The following STAT6 variants were observed in gnomAD, a reference collection of about 807,000 sequenced individuals.
The protein encoded by STAT6 is signal transducer and activator of transcription 6.
A neutral mutation model predicts 106.3 loss-of-function variants in STAT6; 45 were observed. The observed-to-expected ratio is 0.42, with a 90% CI of 0.33 to 0.54. The LOEUF is 0.54. STAT6 is among the 20% of genes least tolerant of loss of function. STAT6 has a pLI of 0.06. For missense variants in STAT6, 797 were observed against 1,062.2 expected (o/e 0.75, Z 3.47); for synonymous variants, 413 against 413.6 (o/e 1.00, Z 0.02).
At chr12:57,097,311 T>C in intron 19 of STAT6, 178 bp from the exon 20 acceptor site, 2 of 453,324 alleles carry the variant, frequency 4.4e-6, no homozygotes, top group Non-Finnish European at 7.5e-6. Context: ...ATGTGCGTGT[T>C]ATGGGGGTGG....
chr12:57,105,147 T>C lies in STAT6; in HGVS notation c.1001+4A>G. On this transcript the variant is annotated splice_donor_region_variant and intron_variant, in intron 9 of 21. Coordinates refer to ENST00000300134, the MANE Select transcript of STAT6 (RefSeq NM_003153.5). ...CTCCAACCCCAGGTCCAATCCCAGC[T>C]TACGCTCCAGCCCCAGGACCCTGAG... The C allele has an allele frequency of 6.2e-7, 1 of 1,607,530 alleles. No homozygotes were observed. Among genetic ancestry groups the C allele is most frequent in the Non-Finnish European group, 8.5e-7 (1 of 1,176,250 alleles).
At chr12:57,107,416 A>G in intron 3 of STAT6, 102 bp from the exon 4 acceptor site, 3 of 1,320,218 alleles carry the variant, frequency 2.3e-6, no homozygotes, top group Admixed American at 1.9e-5. Flanking sequence ...ATAAGGAAGC[A>G]CAACTGTAGA....
intron 13 of STAT6, chr12:57,100,861 GAACA>G (rs981922126): frequency 6.6e-6 from 3 of 455,734 alleles, no homozygotes; most frequent in African/African-American, 4.0e-5. Flanking sequence ...TTGGGAACTT[GAACA>G]AACTACATAA....
chr12:57,105,654 C>A, intron 7 of STAT6, 55 bp from the exon 8 acceptor site: 1 of 1,584,730 alleles, frequency 6.3e-7, no homozygotes, highest in Non-Finnish European at 8.6e-7. Flanking sequence ...TGCTCCGGCC[C>A]AGACCCCCTT....
At chr12:57,106,468 A>C in intron 6 of STAT6, 60 bp downstream of exon 6, 1 of 1,610,560 alleles carries the variant, frequency 6.2e-7, no homozygotes, top group Non-Finnish European at 8.5e-7. Context: ...TCTGAGGTCT[A>C]GCTTCCATCC....
Position 57,108,203 on chromosome 12 carries a change from G to C in STAT6, c.76C>G (p.Leu26Val). The change falls in exon 2 of 22, where the codon CTG (leucine) becomes GTG (valine). Residue 26 changes from leucine to valine, a missense_variant. Leu to Val is a conservative substitution (Grantham distance 32). Around this residue, in one of 4 missense-constraint regions of STAT6, gnomAD observed 336 missense variants for 429.8 expected, o/e 0.78. Coordinates refer to ENST00000300134, the MANE Select transcript of STAT6 (RefSeq NM_003153.5). Reference protein sequence around the residue: ...QRLYVDFPQHLRHLLGDWLES... With the variant: ...QRLYVDFPQHVRHLLGDWLES... Reference sequence around the variant, plus strand: ...AGCCAGTCACCCAGAAGATGCCGCAGGTGTTGGGGAAAGTCGACATAGAGC... The same window carrying C: ...AGCCAGTCACCCAGAAGATGCCGCACGTGTTGGGGAAAGTCGACATAGAGC... The C allele has an allele frequency of 6.2e-7, 1 of 1,612,928 alleles. No individual in the cohort carries two copies. Among genetic ancestry groups the C allele is most frequent in the Non-Finnish European group, 8.5e-7 (1 of 1,179,604 alleles).
intron 13 of STAT6, among the ~76,000 whole-genome samples, chr12:57,100,638 GAGAAAGAA>G (rs201086579): frequency 0.011 from 1,072 of 99,940 alleles, 25 homozygotes; most frequent in Non-Finnish European, 0.012. Context: ...GAAAGAGAAA[GAGAAAGAA>G]AGAAAGAAAG....
chr12:57,100,677 AAAG>A (rs2033806681), intron 13 of STAT6, among the ~76,000 whole-genome samples: 2 of 68,284 alleles, frequency 2.9e-5, no homozygotes, highest in Non-Finnish European at 3.1e-5. Flanking sequence ...AGAAAGAAAG[AAAG>A]AAAGAAAGAA....
At chr12:57,097,658 T>C (rs902950767) in intron 19 of STAT6, among the ~76,000 whole-genome samples, 4 of 152,170 alleles carry the variant, frequency 2.6e-5, no homozygotes, top group African/African-American at 9.7e-5. Context: ...GCAGAGTGAC[T>C]CACGCCTGTA....
At chr12:57,105,046 C>T in intron 9 of STAT6, 105 bp downstream of exon 9, 2 of 1,400,844 alleles carry the variant, frequency 1.4e-6, no homozygotes. Flanking sequence ...CTCCACATCC[C>T]ATGGCCCTCC....
chr12:57,105,616 G>C lies in STAT6; in HGVS notation c.681-17C>G. 6.2e-7 allele frequency: 1 copy of C among 1,613,010 alleles called. No individual in the cohort carries two copies. Among genetic ancestry groups the C allele is most frequent in the South Asian group, 1.1e-5 (1 of 90,920 alleles). ...CTTTCACACCTGGGGCCAGGACAGTGGTCAGGGGGCACAGGATTAAGGCTG... is the reference window on the plus strand; with the variant it reads ...CTTTCACACCTGGGGCCAGGACAGTCGTCAGGGGGCACAGGATTAAGGCTG... On this transcript the variant is annotated splice_polypyrimidine_tract_variant and intron_variant, in intron 7 of 21. Coordinates refer to ENST00000300134, the MANE Select transcript of STAT6 (RefSeq NM_003153.5).
chr12:57,100,235 A>G, intron 13 of STAT6, 145 bp from the exon 14 acceptor site: 1 of 688,512 alleles, frequency 1.5e-6, no homozygotes, highest in Non-Finnish European at 2.6e-6. Flanking sequence ...AATGACAACG[A>G]CCAATCCTAA....
At position 57,096,677 on chromosome 12, in the gene STAT6, C is replaced by T. The variant is rs369667656; in HGVS notation, c.2439G>A (p.Ser813=). 2.0e-5 allele frequency: 32 copies of T among 1,606,638 alleles called. No individual in the cohort carries two copies. The highest frequency in any genetic ancestry group is 3.3e-4 in the Middle Eastern group (2 of 6,026). Residue 813 remains serine (S), a synonymous_variant, in exon 22 of 22, where the codon TCG becomes TCA. Coordinates refer to ENST00000300134, the MANE Select transcript of STAT6 (RefSeq NM_003153.5). The stretch of plus-strand genomic sequence containing the variant: ...GCTGTGCCCCCAAGGACCCTCCCCC[C>T]GACTCCCCTTGCCCCTCCAGGAGAA... ...TKLLLEGQGE[S]GGGSLGAQPL...
Position 57,108,213 on chromosome 12 carries a change from A to G in STAT6, c.66T>C (p.Phe22=). The change falls in exon 2 of 22, where the codon TTT becomes TTC. Residue 22 remains phenylalanine, a synonymous_variant. Transcript: ENST00000300134. The part of the protein sequence containing the change: ...PEKVQRLYVD[F]PQHLRHLLGD... ...CCAGAAGATGCCGCAGGTGTTGGGGAAAGTCGACATAGAGCCGCTGCACTT... is the reference window on the plus strand; with the variant it reads ...CCAGAAGATGCCGCAGGTGTTGGGGGAAGTCGACATAGAGCCGCTGCACTT... 6.2e-7 allele frequency: 1 copy of G among 1,613,114 alleles called. No homozygotes were observed. The highest frequency in any genetic ancestry group is 1.1e-5 in the South Asian group (1 of 90,842).
rs1301834255 is a variant in STAT6 at position 57,102,449 on chromosome 12, C to A, written c.1353G>T (p.Met451Ile). ...TGAACTTCAGGTTCAGAGTTTCACACATCTTCTCCCAGGGCACCCGCTCAG... is the reference window on the plus strand; with the variant it reads ...TGAACTTCAGGTTCAGAGTTTCACAAATCTTCTCCCAGGGCACCCGCTCAG... ...VVAERVPWEK[M>I]CETLNLKFMA... The change falls in exon 13 of 22, where the codon ATG becomes ATT. Residue 451 changes from methionine to isoleucine, a missense_variant. This residue lies in a region of STAT6 where 222 missense variants were observed against 354.6 expected (regional missense o/e 0.63). Transcript: ENST00000300134. 3 of 1,614,016 alleles carry A rather than the reference C, an allele frequency of 1.9e-6. No individual in the cohort carries two copies. Among genetic ancestry groups the A allele is most frequent in the Non-Finnish European group, 2.5e-6 (3 of 1,180,018 alleles).
intron 2 of STAT6, 82 bp downstream of exon 2, chr12:57,108,080 TG>T: frequency 1.1e-6 from 1 of 899,582 alleles, no homozygotes; most frequent in Non-Finnish European, 1.8e-6. Flanking sequence ...TCTGAATCCA[TG>T]GGTGAGGGGA....
Position 57,099,242 on chromosome 12 carries a change from C to CA in STAT6, c.1891+51dup. Reference sequence around the variant, plus strand: ...GCAGGGAGAGGAGGGCAGCGGGGAGCAGGGAGGAAGTGGGTGACAGGAAGG... The same window carrying CA: ...GCAGGGAGAGGAGGGCAGCGGGGAGCAAGGGAGGAAGTGGGTGACAGGAAGG... On this transcript the variant is annotated intron_variant, in intron 16 of 21. Transcript: ENST00000300134. This position sits in a 1 kb window ranked among gnomAD's most constrained non-coding sequence, Gnocchi z 4.7. 1 of 1,611,294 alleles carries CA rather than the reference C, an allele frequency of 6.2e-7. No homozygotes were observed. The highest frequency in any genetic ancestry group is 8.5e-7 in the Non-Finnish European group (1 of 1,178,008).
At chr12:57,100,709 A>G (rs2033845030) in intron 13 of STAT6, 1 of 54,310 alleles carries the variant, frequency 1.8e-5, no homozygotes, top group Non-Finnish European at 4.1e-5. Context: ...AGAGAAAGAA[A>G]GAAAGAAAGA....
chr12:57,096,725 G>A lies in STAT6; in HGVS notation c.2391C>T (p.Pro797=). 1 of 1,613,072 alleles carries A rather than the reference G, an allele frequency of 6.2e-7. No homozygotes were observed. The highest frequency in any genetic ancestry group is 8.5e-7 in the Non-Finnish European group (1 of 1,179,608). The change falls in exon 22 of 22, where the codon CCC becomes CCT. Residue 797 remains proline, a synonymous_variant. Coordinates refer to ENST00000300134, the MANE Select transcript of STAT6 (RefSeq NM_003153.5). ...GAAGCTTAGTGAGGTCCTGTTCAGT[G>A]GGAGGCAGCAGAGGAGGGAATATGT... ...GEDIFPPLLP[P]TEQDLTKLLL... is the part of the protein sequence containing the mutation.
Sources: allele counts gnomAD v4.1 joint callset (sites outside exome capture counted in the v4.1 genomes callset), GRCh38; gene constraint gnomAD v4.1.1; regional missense constraint gnomAD v4.1.1; non-coding constraint Gnocchi (gnomAD v3.1); transcripts MANE v1.5; gene names NCBI Gene and HGNC (gene_info 2026-07-23, HGNC 2026-07-21).